Variants in PCSK2 observed in about 807,000 individuals in gnomAD.
PCSK2 encodes the protein proprotein convertase subtilisin/kexin type 2.
A neutral mutation model predicts 69.7 loss-of-function variants in PCSK2; 14 were observed. The ratio of observed to expected loss-of-function variants is 0.20; its 90% confidence interval spans 0.13 to 0.31. The LOEUF (loss-of-function observed/expected upper bound fraction) is 0.31. PCSK2 is among the 10% of genes least tolerant of loss of function. The pLI, the probability that PCSK2 is intolerant of heterozygous loss-of-function variation, is 1.00. For missense variants in PCSK2, 544 were observed against 842.5 expected (o/e 0.65, Z 4.39); for synonymous variants, 307 against 320.7 (o/e 0.96, Z 0.46).
chr20:17,411,170 G>A (rs980607794), intron 6 of PCSK2, among the ~76,000 whole-genome samples: 6 of 152,288 alleles, frequency 3.9e-5, no homozygotes, highest in East Asian at 3.9e-4. Context: ...CATGATCGAC[G>A]CAGAAGATGG....
chr20:17,347,317 A>G (rs527596908), intron 2 of PCSK2, among the ~76,000 whole-genome samples: 14 of 152,232 alleles, frequency 9.2e-5, no homozygotes, highest in South Asian at 6.2e-4. Context: ...GCCATGGGCC[A>G]AGTCTTCCCT....
chr20:17,335,644 C>A (rs1199344331), intron 2 of PCSK2, among the ~76,000 whole-genome samples: 1 of 151,694 alleles, frequency 6.6e-6, no homozygotes, highest in Non-Finnish European at 1.5e-5. Flanking sequence ...TCCCTTGCCC[C>A]CTCCCATCCT....
chr20:17,338,900 C>T (rs1990432257), intron 2 of PCSK2, among the ~76,000 whole-genome samples: 3 of 152,164 alleles, frequency 2.0e-5, no homozygotes, highest in African/African-American at 7.2e-5. Context: ...GCAGAACTTC[C>T]AGCAAATCGA....
intron 4 of PCSK2, among the ~76,000 whole-genome samples, chr20:17,364,913 G>A (rs940828953): frequency 6.6e-6 from 1 of 152,112 alleles, no homozygotes; most frequent in South Asian, 2.1e-4. Context: ...GAGCTCAGCT[G>A]GGACCGTCAA....
chr20:17,302,967 T>C (rs908140321), intron 2 of PCSK2, among the ~76,000 whole-genome samples: 6 of 152,050 alleles, frequency 3.9e-5, no homozygotes, highest in African/African-American at 1.4e-4. Context: ...GAAGGCTCAA[T>C]GTGAGCTCAC....
intron 5 of PCSK2, among the ~76,000 whole-genome samples, chr20:17,386,070 A>C (rs866361904): frequency 1.3e-5 from 2 of 152,190 alleles, no homozygotes; most frequent in Non-Finnish European, 1.5e-5. Flanking sequence ...TGGGGCATCT[A>C]ATAGCATCTA....
intron 11 of PCSK2, chr20:17,479,476 G>C (rs1355315066): frequency 3.7e-5 from 18 of 488,622 alleles, no homozygotes; most frequent in South Asian, 2.6e-4. Flanking sequence ...CCTGTGCCTG[G>C]TATTTCATAC....
At chr20:17,285,845 C>T (rs1988494609) in intron 2 of PCSK2, among the ~76,000 whole-genome samples, 1 of 152,142 alleles carries the variant, frequency 6.6e-6, no homozygotes, top group Non-Finnish European at 1.5e-5. Flanking sequence ...CATCACAGAC[C>T]CACCTATGAG....
intron 2 of PCSK2, among the ~76,000 whole-genome samples, chr20:17,286,698 A>T (rs548559969): frequency 6.6e-6 from 1 of 152,300 alleles, no homozygotes; most frequent in African/African-American, 2.4e-5. Context: ...GAATCCAGTA[A>T]GAATTTGCAA....
chr20:17,270,839 T>A (rs534512309), intron 2 of PCSK2, among the ~76,000 whole-genome samples: 2 of 152,236 alleles, frequency 1.3e-5, no homozygotes, highest in African/African-American at 4.8e-5. Flanking sequence ...TTTGAGGTCA[T>A]TCTTGAGTTC....
intron 2 of PCSK2, among the ~76,000 whole-genome samples, chr20:17,287,120 A>G: frequency 6.6e-6 from 1 of 152,070 alleles, no homozygotes; most frequent in East Asian, 1.9e-4. Flanking sequence ...AATCTGCTTT[A>G]CTCAGCTCTG....
At chr20:17,414,565 T>G (rs1291458477) in intron 6 of PCSK2, among the ~76,000 whole-genome samples, 1 of 151,994 alleles carries the variant, frequency 6.6e-6, no homozygotes, top group African/African-American at 2.4e-5. Context: ...CCAAAAAAAG[T>G]CCAGGACCAG....
At chr20:17,265,162 C>T (rs748105368) in intron 2 of PCSK2, among the ~76,000 whole-genome samples, 3 of 152,306 alleles carry the variant, frequency 2.0e-5, no homozygotes, top group East Asian at 1.9e-4. Context: ...GAAAATGTCA[C>T]GGAGAAAAAT....
intron 5 of PCSK2, among the ~76,000 whole-genome samples, chr20:17,387,977 A>C (rs888208738): frequency 1.3e-5 from 2 of 152,216 alleles, no homozygotes; most frequent in African/African-American, 4.8e-5. Flanking sequence ...ATTTCCCTAG[A>C]GTAGCTATCC....
chr20:17,468,709 C>A (rs1366247879), intron 11 of PCSK2, among the ~76,000 whole-genome samples: 1 of 148,682 alleles, frequency 6.7e-6, no homozygotes, highest in African/African-American at 2.5e-5. Flanking sequence ...TAGGTCAGCA[C>A]CCTCCATGGG....
chr20:17,342,058 C>T (rs1990525516), intron 2 of PCSK2, among the ~76,000 whole-genome samples: 1 of 152,132 alleles, frequency 6.6e-6, no homozygotes, highest in South Asian at 2.1e-4. Context: ...CTATCCAGTC[C>T]CATTTTACAA....
chr20:17,321,794 A>C (rs2123133009), intron 2 of PCSK2, among the ~76,000 whole-genome samples: 1 of 152,292 alleles, frequency 6.6e-6, no homozygotes, highest in South Asian at 2.1e-4. Flanking sequence ...AGAACTATTA[A>C]AAAGAGTTGA....
At chr20:17,338,171 T>TTTG (rs199724801) in intron 2 of PCSK2, among the ~76,000 whole-genome samples, 22 of 112,918 alleles carry the variant, frequency 1.9e-4, no homozygotes, top group Admixed American at 5.8e-4. Flanking sequence ...ACATTTTTTT[T>TTTG]GGGGGGGGGG....
chr20:17,315,065 G>A (rs1289884739), intron 2 of PCSK2, among the ~76,000 whole-genome samples: 1 of 152,060 alleles, frequency 6.6e-6, no homozygotes, highest in African/African-American at 2.4e-5. Flanking sequence ...CCACTCTATC[G>A]AAGTCTCCCC....
Sources: allele counts gnomAD v4.1 joint callset (sites outside exome capture counted in the v4.1 genomes callset), GRCh38; gene constraint gnomAD v4.1.1; transcripts MANE v1.5; gene names NCBI Gene and HGNC (gene_info 2026-07-23, HGNC 2026-07-21).